Variants in NAV2 observed in about 807,000 individuals in gnomAD.
NAV2 encodes the protein neuron navigator 2, also known as helicase, APC down-regulated 1.
Under a neutral mutation model 223.2 loss-of-function variants are expected in NAV2, and 54 were observed. The observed-to-expected ratio is 0.24, with a 90% CI of 0.19 to 0.30. The LOEUF (loss-of-function observed/expected upper bound fraction) is 0.30. Among genes scored for constraint, NAV2 ranks in the 10% least tolerant of loss-of-function variants. The pLI, the probability that NAV2 is intolerant of heterozygous loss-of-function variation, is 1.00. For missense variants in NAV2, 2,806 were observed against 3,147.5 expected, an observed-to-expected ratio of 0.89 and a Z score of 2.60; for synonymous variants, 1,279 against 1,239.3, an observed-to-expected ratio of 1.03 and a Z score of -0.67.
chr11:19,568,238 C>A (rs1330365073), intron 1 of NAV2, among the ~76,000 whole-genome samples: 1 of 152,202 alleles, frequency 6.6e-6, no homozygotes, highest in African/African-American at 2.4e-5. Flanking sequence ...GCTTAGGAGG[C>A]CACCAGGGCT....
chr11:19,432,627 G>A (rs1851076382), intron 1 of NAV2, among the ~76,000 whole-genome samples: 1 of 152,162 alleles, frequency 6.6e-6, no homozygotes, highest in African/African-American at 2.4e-5. Flanking sequence ...GAGGCAGTGG[G>A]GGAGTGGGTG....
chr11:19,619,823 G>A (rs976290304), intron 1 of NAV2, among the ~76,000 whole-genome samples: 4 of 152,206 alleles, frequency 2.6e-5, no homozygotes, highest in African/African-American at 9.7e-5. Flanking sequence ...TTTTAGTCAT[G>A]AAGTCCTTGC....
chr11:19,473,986 T>C (rs922476880), intron 1 of NAV2, among the ~76,000 whole-genome samples: 1 of 152,214 alleles, frequency 6.6e-6, no homozygotes, highest in Non-Finnish European at 1.5e-5. Flanking sequence ...TCAGGTCCGC[T>C]GGGGCCTGCA....
chr11:20,103,560 G>C (rs2061797084), intron 33 of NAV2, 93 bp from the exon 34 acceptor site: 1 of 1,514,224 alleles, frequency 6.6e-7, no homozygotes, highest in Non-Finnish European at 9.2e-7. Context: ...CTGTCCACTG[G>C]CCTGGAAGCA....
intron 4 of NAV2, among the ~76,000 whole-genome samples, chr11:19,873,788 C>T (rs1190897461): frequency 2.0e-5 from 3 of 152,162 alleles, no homozygotes; most frequent in Non-Finnish European, 4.4e-5. Flanking sequence ...GCTCTGCTCC[C>T]ATCCTCTCAT....
chr11:20,007,636 G>A (rs145842480), intron 11 of NAV2, among the ~76,000 whole-genome samples: 313 of 152,330 alleles, frequency 2.1e-3, no homozygotes, highest in East Asian at 7.7e-3. Flanking sequence ...TGACAGGTTG[G>A]CTGGGGGACA....
chr11:20,023,035 A>G (rs746781127), intron 11 of NAV2: 4 of 1,547,856 alleles, frequency 2.6e-6, no homozygotes, highest in Non-Finnish European at 3.5e-6. Context: ...CAGCTGGCTA[A>G]AGGACTTGCC....
At chr11:19,770,624 TGGGTTG>T in intron 1 of NAV2, among the ~76,000 whole-genome samples, 1 of 152,338 alleles carries the variant, frequency 6.6e-6, no homozygotes, top group East Asian at 1.9e-4. Context: ...ATATATGCCC[TGGGTTG>T]CTTGGGACCA....
chr11:19,531,230 A>G (rs147350293), intron 1 of NAV2, among the ~76,000 whole-genome samples: 1,760 of 152,328 alleles, frequency 0.012, 39 homozygotes, highest in Middle Eastern at 0.034. Context: ...GAAGATAGAC[A>G]TGGAAAGAAA....
chr11:19,347,020 G>T (rs1853049919), upstream of NAV2, among the ~76,000 whole-genome samples: 1 of 152,134 alleles, frequency 6.6e-6, no homozygotes, highest in Non-Finnish European at 1.5e-5. Flanking sequence ...AACAGGTCAG[G>T]CCCCCAACCC....
chr11:19,910,193 G>A (rs1036745559), intron 6 of NAV2, among the ~76,000 whole-genome samples: 1 of 152,192 alleles, frequency 6.6e-6, no homozygotes, highest in Non-Finnish European at 1.5e-5. Context: ...GGCCAGTGTT[G>A]ACATTTGAAC....
chr11:19,701,822 C>T (rs1053929165), intron 1 of NAV2, among the ~76,000 whole-genome samples: 5 of 152,104 alleles, frequency 3.3e-5, no homozygotes, highest in Admixed American at 6.5e-5. Flanking sequence ...GTTTTATTTG[C>T]CTTGGATTTG....
intron 11 of NAV2, among the ~76,000 whole-genome samples, chr11:19,996,237 A>C (rs1733455269): frequency 6.6e-6 from 1 of 152,194 alleles, no homozygotes; most frequent in Admixed American, 6.5e-5. Flanking sequence ...TCTTTGTTTA[A>C]AGAGTCAGTT....
At chr11:19,397,418 T>TGTGTGCAC (rs57566081) in intron 1 of NAV2, among the ~76,000 whole-genome samples, 1 of 145,262 alleles carries the variant, frequency 6.9e-6, no homozygotes, top group African/African-American at 2.6e-5. Flanking sequence ...TGTGTGTGTG[T>TGTGTGCAC]GCGCGCATGT....
chr11:19,571,370 C>T (rs1297332170), intron 1 of NAV2, among the ~76,000 whole-genome samples: 3 of 152,170 alleles, frequency 2.0e-5, no homozygotes, highest in Non-Finnish European at 1.5e-5. Flanking sequence ...GAAGTGAAGG[C>T]TACGCAGCAT....
intron 1 of NAV2, among the ~76,000 whole-genome samples, chr11:19,485,971 C>G (rs1026535160): frequency 1.3e-5 from 2 of 152,094 alleles, no homozygotes; most frequent in Non-Finnish European, 2.9e-5. Context: ...AATGCAAGAG[C>G]CTCCTCCACC....
At chr11:19,695,888 A>AAT (rs1554998224) in intron 1 of NAV2, among the ~76,000 whole-genome samples, 7 of 125,004 alleles carry the variant, frequency 5.6e-5, no homozygotes, top group African/African-American at 2.9e-4. Flanking sequence ...TGGATGAAAT[A>AAT]ATAAAATAAA....
At chr11:20,083,314 T>C in intron 26 of NAV2, 135 bp downstream of exon 26, 3 of 666,282 alleles carry the variant, frequency 4.5e-6, no homozygotes, top group South Asian at 2.5e-5. Context: ...ACTGTGCATG[T>C]TCTTTCAATG....
chr11:19,434,120 A>G (rs1255113944), intron 1 of NAV2, among the ~76,000 whole-genome samples: 1 of 152,176 alleles, frequency 6.6e-6, no homozygotes, highest in African/African-American at 2.4e-5. Context: ...AAAAAAAAAA[A>G]AGAGGAGAAC....
Sources: allele counts gnomAD v4.1 joint callset (sites outside exome capture counted in the v4.1 genomes callset), GRCh38; gene constraint gnomAD v4.1.1; transcripts MANE v1.5; gene names NCBI Gene and HGNC (gene_info 2026-07-23, HGNC 2026-07-21).